PLEKHG1: variants seen among roughly 807,000 people sequenced by gnomAD.
The protein encoded by PLEKHG1 is pleckstrin homology domain-containing family G member 1.
A neutral mutation model predicts 100.8 loss-of-function variants in PLEKHG1; 44 were observed. The ratio of observed to expected loss-of-function variants is 0.44; its 90% CI spans 0.34 to 0.56. The LOEUF (loss-of-function observed/expected upper bound fraction) is 0.56. Ranked by LOEUF, PLEKHG1 falls within the 20% of genes least tolerant of loss-of-function variation. The pLI is 0.01. For synonymous variants in PLEKHG1, 640 were observed against 662.5 expected, an observed-to-expected ratio of 0.97 and a Z score of 0.52; for missense variants, 1,545 against 1,720.9, an observed-to-expected ratio of 0.90 and a Z score of 1.81.
At chr6:150,661,427 T>C (rs910896520) in intron 3 of PLEKHG1, among the ~76,000 whole-genome samples, 24 of 152,316 alleles carry the variant, frequency 1.6e-4, no homozygotes, top group South Asian at 2.1e-4. Context: ...GGGTTTTTTT[T>C]CCCAAAAGTT....
At chr6:150,807,930 C>G in intron 7 of PLEKHG1, among the ~76,000 whole-genome samples, 1 of 152,104 alleles carries the variant, frequency 6.6e-6, no homozygotes, top group East Asian at 1.9e-4. Context: ...GATTGTGCCA[C>G]TGCACTCCAG....
chr6:150,690,296 C>T (rs923285559), intron 3 of PLEKHG1, among the ~76,000 whole-genome samples: 1 of 151,694 alleles, frequency 6.6e-6, no homozygotes, highest in Non-Finnish European at 1.5e-5. Flanking sequence ...TGTGTGGGAT[C>T]CTGGTGCGCC....
chr6:150,675,746 C>T lies in PLEKHG1; in HGVS notation c.-99+24960C>T, dbSNP rs1003326602. Among the ~76,000 whole-genome samples, 8 of 152,142 alleles carry T rather than the reference C, an allele frequency of 5.3e-5. No homozygotes were observed. The South Asian group carries it at 8.3e-4, about 16-fold the overall frequency. The stretch of plus-strand genomic sequence containing the variant: ...AAGTGATCCACCTGCCTCGGCTTCC[C>T]GAAGTGCTGGGATTACAGGCATGAG... On this transcript the variant is annotated intron_variant, in intron 3 of 3. Transcript: ENST00000367326.
chr6:150,737,290 T>TCC, intron 2 of PLEKHG1, among the ~76,000 whole-genome samples: 1 of 150,080 alleles, frequency 6.7e-6, no homozygotes, highest in African/African-American at 2.5e-5. Flanking sequence ...TATTTTTTTT[T>TCC]TTTTTTTTTT....
At chr6:150,813,872 A>T in intron 10 of PLEKHG1, among the ~76,000 whole-genome samples, 1 of 152,158 alleles carries the variant, frequency 6.6e-6, no homozygotes, top group East Asian at 1.9e-4. Context: ...ATGGTGAAAC[A>T]GTCCAAGTTG....
At position 150,761,346 on chromosome 6, in the gene PLEKHG1, C is replaced by T. The variant is rs180932131; in HGVS notation, c.412-7292C>T. The stretch of plus-strand genomic sequence containing the variant: ...GTCTCGATTACTTGACCTTGTGATC[C>T]ACCCAGGCTGGAGTGCAGTGGTGCG... On this transcript the variant is annotated intron_variant, in intron 2 of 15. Transcript: ENST00000358517. Among the ~76,000 whole-genome samples the T allele has an allele frequency of 6.5e-4, 98 of 151,020 alleles. 1 individual carries two copies. Among genetic ancestry groups the T allele is most frequent in the African/African-American group, 2.3e-3 (96 of 41,064 alleles).
chr6:150,761,823 G>C (rs1277001080), intron 2 of PLEKHG1, among the ~76,000 whole-genome samples: 2 of 152,084 alleles, frequency 1.3e-5, no homozygotes, highest in African/African-American at 4.8e-5. Flanking sequence ...CAGAATTCCT[G>C]TTCCAAGTTT....
intron 3 of PLEKHG1, among the ~76,000 whole-genome samples, chr6:150,779,354 T>TTTGTTTTTTTG (rs1562511485): frequency 4.1e-5 from 6 of 147,086 alleles, no homozygotes; most frequent in Non-Finnish European, 8.9e-5. Flanking sequence ...GTTTTTTTTT[T>TTTGTTTTTTTG]TTTTTTTTTG....
Position 150,808,421 on chromosome 6 carries a change from G to GT in PLEKHG1, c.913-673dup, listed in dbSNP as rs57433304. ...TCTTCAAGTCAACAGCTCTGAAGGAGTTTTTTTTTTTCCCAGAGAGGAGGG... is the reference window on the plus strand; with the variant it reads ...TCTTCAAGTCAACAGCTCTGAAGGAGTTTTTTTTTTTTCCCAGAGAGGAGGG... On this transcript the variant is annotated intron_variant, in intron 7 of 15. Coordinates refer to ENST00000358517, the Ensembl canonical transcript of PLEKHG1. 1.9e-3 allele frequency among the ~76,000 whole-genome samples: 278 copies of GT among 147,918 alleles called. 1 individual carries two copies. Among genetic ancestry groups the GT allele is most frequent in the South Asian group, 0.015 (68 of 4,658 alleles).
intron 14 of PLEKHG1, chr6:150,828,505 C>A (rs936147707): frequency 8.3e-6 from 7 of 840,510 alleles, no homozygotes; most frequent in Admixed American, 6.7e-5. Context: ...TGTTTCAAAT[C>A]TTTACATTTT....
chr6:150,650,415 C>G (rs1330652022), intron 2 of PLEKHG1, among the ~76,000 whole-genome samples: 2 of 152,172 alleles, frequency 1.3e-5, no homozygotes, highest in African/African-American at 2.4e-5. Flanking sequence ...GTTCAAGTCT[C>G]CTTTTGAATT....
chr6:150,726,403 T>C (rs28599606), intron 1 of PLEKHG1, among the ~76,000 whole-genome samples: 30,775 of 152,174 alleles, frequency 0.2, 4,551 homozygotes, highest in African/African-American at 0.41. Flanking sequence ...ACATTAAATA[T>C]GTATAACTTT....
chr6:150,676,416 A>G lies in PLEKHG1; in HGVS notation c.-99+25630A>G, dbSNP rs1204785466. On this transcript the variant is annotated intron_variant, in intron 3 of 3. Coordinates refer to the PLEKHG1 transcript ENST00000367326. ...TCAAATAAACGGAAGTCAAAAATCA[A>G]CAAGGGACAGGTTGTGGAGAAACAG... Among the ~76,000 whole-genome samples, 4 of 152,246 alleles carry G rather than the reference A, an allele frequency of 2.6e-5. No individual in the cohort carries two copies. In the East Asian group the frequency reaches 5.8e-4, roughly 22 times the overall value.
chr6:150,742,338 G>A (rs766596424), intron 2 of PLEKHG1, among the ~76,000 whole-genome samples: 5 of 152,050 alleles, frequency 3.3e-5, no homozygotes, highest in Non-Finnish European at 7.4e-5. Context: ...AGGCCGAGGT[G>A]GGCGGATCAC....
In PLEKHG1 at chr6:150,766,507, T is replaced by G. The variant is rs546247803; in HGVS notation, c.412-2131T>G. On this transcript the variant is annotated intron_variant, in intron 2 of 15. Coordinates refer to ENST00000358517, the Ensembl canonical transcript of PLEKHG1. ...AAGTATTAGATTTAAAAGATGTACT[T>G]ATGATCAGTGGGGGGGAACAAGTTA... Among the ~76,000 whole-genome samples, 8 of 152,366 alleles carry G rather than the reference T, an allele frequency of 5.3e-5. No homozygotes were observed. The East Asian group carries it at 7.7e-4, about 15-fold the overall frequency.
intron 4 of PLEKHG1, among the ~76,000 whole-genome samples, chr6:150,788,876 TAC>T (rs558381840): frequency 3.9e-5 from 6 of 151,924 alleles, no homozygotes; most frequent in East Asian, 1.9e-4. Context: ...CACACACGCA[TAC>T]ACACACACAC....
chr6:150,776,235 A>C (rs1001246194), intron 3 of PLEKHG1, among the ~76,000 whole-genome samples: 1 of 152,274 alleles, frequency 6.6e-6, no homozygotes, highest in Non-Finnish European at 1.5e-5. Context: ...CAAAAAGAAG[A>C]AAATATTTAA....
At chr6:150,770,677 G>T (rs554685277) in intron 3 of PLEKHG1, among the ~76,000 whole-genome samples, 1 of 152,342 alleles carries the variant, frequency 6.6e-6, no homozygotes, top group East Asian at 1.9e-4. Context: ...CTGAATTAGA[G>T]AATCCAGAGT....
At position 150,801,984 on chromosome 6, in the gene PLEKHG1, T is replaced by A. The variant is rs1405636183; in HGVS notation, c.780+1115T>A. ...GTAAGCTATTGTTTTTTATTATTTT[T>A]ATGATACATTAAAATCCCCTTTTTA... is the stretch of plus-strand genomic sequence containing the variant. On this transcript the variant is annotated intron_variant, in intron 6 of 15. Coordinates refer to ENST00000358517, the Ensembl canonical transcript of PLEKHG1. Among the ~76,000 whole-genome samples the A allele has an allele frequency of 2.0e-5, 3 of 152,290 alleles. No homozygotes were observed. The East Asian group carries it at 5.8e-4, about 29-fold the overall frequency.
Sources: gnomAD v4.1 joint callset for allele counts (sites outside exome capture counted in the v4.1 genomes callset) on GRCh38, gnomAD v4.1.1 for gene constraint, MANE v1.5 for transcripts, NCBI Gene and HGNC (gene_info 2026-07-23, HGNC 2026-07-21) for gene names.